Variants in CAMK2D observed in about 807,000 individuals in gnomAD.
The protein encoded by CAMK2D is calcium/calmodulin-dependent protein kinase type II subunit delta.
Under a neutral mutation model 84.0 loss-of-function variants are expected in CAMK2D, and 37 were observed. The ratio of observed to expected loss-of-function variants is 0.44; its 90% CI spans 0.34 to 0.58. CAMK2D has a LOEUF of 0.58. CAMK2D is among the 20% of genes least tolerant of loss of function. The probability of loss-of-function intolerance (pLI) is 0.02; values close to 1 mark genes in which losing one functional copy is unlikely to be tolerated. For synonymous variants in CAMK2D, 202 were observed against 212.5 expected, an observed-to-expected ratio of 0.95 and a Z score of 0.43; for missense variants, 448 against 652.5, an observed-to-expected ratio of 0.69 and a Z score of 3.41.
intron 2 of CAMK2D, among the ~76,000 whole-genome samples, chr4:113,711,052 T>A (rs17431684): frequency 0.19 from 28,125 of 151,466 alleles, 4,984 homozygotes; most frequent in African/African-American, 0.46. Context: ...TGACATACGT[T>A]AAAGAGCCTT....
chr4:113,552,048 G>T lies in CAMK2D; in HGVS notation c.324C>A (p.Tyr108Ter). 1 of 1,583,240 alleles carries T rather than the reference G, an allele frequency of 6.3e-7. No homozygotes were observed. The highest frequency in any genetic ancestry group is 8.7e-7 in the Non-Finnish European group (1 of 1,154,614). The change falls in exon 5 of 21, where the codon TAC becomes TAA. Residue 108 changes from tyrosine to a stop codon, truncating the protein, a stop_gained. Transcript: ENST00000511664. LOFTEE classifies it high-confidence loss of function. ...LFEDIVAREYYSEADASHCIQ... is the reference protein window; with the variant it reads ...LFEDIVAREY ...TCACTTACCTGGCATCAGCTTCACT[G>T]TAGTATTCTCTTGCCACTATGTCTT...
At chr4:113,759,557 A>G in intron 1 of CAMK2D, 143 bp from the exon 2 acceptor site, 1 of 443,202 alleles carries the variant, frequency 2.3e-6, no homozygotes, top group Non-Finnish European at 3.9e-6. Context: ...TTCTTCCTGG[A>G]AACCCAGACT....
At chr4:113,556,176 G>C (rs1290767972) in intron 4 of CAMK2D, among the ~76,000 whole-genome samples, 3 of 152,156 alleles carry the variant, frequency 2.0e-5, no homozygotes, top group African/African-American at 7.2e-5. Flanking sequence ...GCAACCCTAT[G>C]AAGTAGATAC....
chr4:113,531,956 T>A (rs1403433457), intron 7 of CAMK2D, among the ~76,000 whole-genome samples: 1 of 152,178 alleles, frequency 6.6e-6, no homozygotes. Context: ...AACAGTTTTT[T>A]AAATAAAAAT....
At chr4:113,622,875 T>C (rs2099052018) in intron 3 of CAMK2D, among the ~76,000 whole-genome samples, 1 of 152,232 alleles carries the variant, frequency 6.6e-6, no homozygotes, top group South Asian at 2.1e-4. Context: ...GAGGATTATC[T>C]AATTCTCTAG....
intron 2 of CAMK2D, among the ~76,000 whole-genome samples, chr4:113,732,706 A>T (rs576545612): frequency 1.0e-3 from 155 of 152,294 alleles, no homozygotes; most frequent in African/African-American, 3.7e-3. Flanking sequence ...TTAAGTCATC[A>T]AAGAAATGTG....
At chr4:113,720,364 T>TCACACACACACACACA (rs1491434615) in intron 2 of CAMK2D, among the ~76,000 whole-genome samples, 5 of 106,034 alleles carry the variant, frequency 4.7e-5, no homozygotes, top group African/African-American at 2.0e-4. Context: ...ACAATCACAT[T>TCACACACACACACACA]CTCACACACA....
At chr4:113,638,869 G>A (rs1426694526) in intron 3 of CAMK2D, among the ~76,000 whole-genome samples, 1 of 152,050 alleles carries the variant, frequency 6.6e-6, no homozygotes, top group Non-Finnish European at 1.5e-5. Flanking sequence ...TTATTTAAAA[G>A]TGAATGTAAA....
intron 3 of CAMK2D, among the ~76,000 whole-genome samples, chr4:113,644,924 T>G (rs897770636): frequency 2.0e-5 from 3 of 152,102 alleles, no homozygotes; most frequent in Non-Finnish European, 2.9e-5. Context: ...AGAGCAGGGG[T>G]CAGGAAACTA....
intron 9 of CAMK2D, among the ~76,000 whole-genome samples, chr4:113,517,020 A>C (rs975433181): frequency 6.6e-6 from 1 of 151,656 alleles, no homozygotes; most frequent in East Asian, 1.9e-4. Flanking sequence ...TCTAATTATA[A>C]ATTAAATATA....
intron 4 of CAMK2D, among the ~76,000 whole-genome samples, chr4:113,590,192 A>T (rs1439260629): frequency 6.6e-6 from 1 of 152,204 alleles, no homozygotes; most frequent in African/African-American, 2.4e-5. Flanking sequence ...CTTTGGCTCA[A>T]TGAATATTTA....
intron 4 of CAMK2D, among the ~76,000 whole-genome samples, chr4:113,571,611 C>T (rs1009925176): frequency 3.9e-5 from 6 of 152,300 alleles, no homozygotes; most frequent in East Asian, 1.9e-4. Context: ...CGGTGGCTCA[C>T]GCCTGTAATC....
chr4:113,465,138 T>A (rs2097441907), intron 17 of CAMK2D, among the ~76,000 whole-genome samples: 1 of 152,144 alleles, frequency 6.6e-6, no homozygotes, highest in Non-Finnish European at 1.5e-5. Flanking sequence ...GCTTAGGTGA[T>A]CCTCCTGCCT....
intron 2 of CAMK2D, among the ~76,000 whole-genome samples, chr4:113,726,585 G>A (rs2099546842): frequency 6.6e-6 from 1 of 150,830 alleles, no homozygotes; most frequent in Admixed American, 6.6e-5. Context: ...TTTGTTTTTG[G>A]TCAAGATGGG....
intron 2 of CAMK2D, among the ~76,000 whole-genome samples, chr4:113,694,959 T>C (rs1214123372): frequency 6.6e-6 from 1 of 152,198 alleles, no homozygotes; most frequent in Non-Finnish European, 1.5e-5. Flanking sequence ...TATTAGCATA[T>C]GGTTGATGGA....
intron 3 of CAMK2D, among the ~76,000 whole-genome samples, chr4:113,659,694 G>C (rs2099220151): frequency 6.6e-6 from 1 of 152,096 alleles, no homozygotes; most frequent in Non-Finnish European, 1.5e-5. Context: ...AATTTCTGTT[G>C]CTTAAGCCAC....
At chr4:113,599,873 T>TGAAGAGGAGGAGGAG (rs148807454) in intron 4 of CAMK2D, among the ~76,000 whole-genome samples, 7 of 151,892 alleles carry the variant, frequency 4.6e-5, no homozygotes, top group Middle Eastern at 3.4e-3. Flanking sequence ...TTGAGAAGAC[T>TGAAGAGGAGGAGGAG]GAAGAGGAGG....
intron 6 of CAMK2D, among the ~76,000 whole-genome samples, chr4:113,538,871 G>A (rs2154188905): frequency 6.6e-6 from 1 of 152,304 alleles, no homozygotes; most frequent in South Asian, 2.1e-4. Context: ...GTTGCTCACT[G>A]CCATCAGATT....
intron 4 of CAMK2D, among the ~76,000 whole-genome samples, chr4:113,573,845 C>T (rs1025910013): frequency 2.0e-5 from 3 of 152,112 alleles, no homozygotes; most frequent in African/African-American, 7.2e-5. Flanking sequence ...CCCTGACTCC[C>T]CCACCTTTTG....
Sources: gnomAD v4.1 joint callset for allele counts (sites outside exome capture counted in the v4.1 genomes callset) on GRCh38, gnomAD v4.1.1 for gene constraint, MANE v1.5 for transcripts, NCBI Gene and HGNC (gene_info 2026-07-23, HGNC 2026-07-21) for gene names.